Variants in GOLGB1 observed in about 807,000 individuals in gnomAD.
The protein encoded by GOLGB1 is golgin B1, also known as golgin subfamily B member 1.
GOLGB1 carries 174 observed loss-of-function variants against 336.9 expected under a neutral mutation model. The observed-to-expected ratio is 0.52, with a 90% confidence interval of 0.46 to 0.59. The LOEUF (loss-of-function observed/expected upper bound fraction) is 0.59, where lower values mean the gene tolerates loss of function less well. Among genes scored for constraint, GOLGB1 ranks in the 20% least tolerant of loss-of-function variants. The probability of loss-of-function intolerance (pLI) is 0.00; values close to 1 mark genes in which losing one functional copy is unlikely to be tolerated. For synonymous variants in GOLGB1, 1,208 were observed against 1,289.2 expected (o/e 0.94, Z 1.35); for missense variants, 3,331 against 3,645.3 (o/e 0.91, Z 2.22).
At chr3:121,699,749 A>C in intron 12 of GOLGB1, 63 bp downstream of exon 12, 1 of 947,742 alleles carries the variant, frequency 1.1e-6, no homozygotes, top group South Asian at 1.5e-5. Flanking sequence ...ACGTATTTTC[A>C]TATGAAGCTA....
At chr3:121,717,322 G>A (rs1249049483) in intron 8 of GOLGB1, among the ~76,000 whole-genome samples, 183 bp from the exon 9 acceptor site, 1 of 152,138 alleles carries the variant, frequency 6.6e-6, no homozygotes, top group Non-Finnish European at 1.5e-5. Context: ...CTCCCCAGCA[G>A]CACACAGGCA....
chr3:121,691,192 T>C lies in GOLGB1; in HGVS notation c.8172A>G (p.Leu2724=). ...CTTTATTTTCTTTGGTGACCATGAG[T>C]AATTTCTGTTCCATCTCCACCAAAT... ...ARDLVEMEQK[L]LMVTKENKGL... Residue 2724 remains leucine (L), a synonymous_variant, in exon 14 of 22, where the codon TTA becomes TTG. Transcript: ENST00000614479. 1 of 1,613,600 alleles carries C rather than the reference T, an allele frequency of 6.2e-7. No individual in the cohort carries two copies. The highest frequency in any genetic ancestry group is 8.5e-7 in the Non-Finnish European group (1 of 1,179,900).
chr3:121,681,677 T>C lies in GOLGB1; in HGVS notation c.8873+10A>G, dbSNP rs1359451053. The C allele has an allele frequency of 1.3e-6, 2 of 1,542,764 alleles. No homozygotes were observed. The highest frequency in any genetic ancestry group is 1.4e-5 in the African/African-American group (1 of 71,834). On this transcript the variant is annotated intron_variant, in intron 15 of 21. Coordinates refer to ENST00000614479, the MANE Select transcript of GOLGB1 (RefSeq NM_001366282.2). The stretch of plus-strand genomic sequence containing the variant: ...GAAAAGAGTTGAAAAGGAGGGATTA[T>C]ATATAGTACCTGAGCTGATGCAGCT...
In GOLGB1 at chr3:121,677,086, C is replaced by A. The variant is rs998466997; in HGVS notation, c.9040-56G>T. 1.9e-6 allele frequency: 3 copies of A among 1,602,928 alleles called. No individual in the cohort carries two copies. The Admixed American group carries it at 5.0e-5, about 27-fold the overall frequency. ...CTCCTAAGATTGCGCATGCTTAATT[C>A]CTTCCCTCTAGAAATCCTGTCCGCC... is the stretch of plus-strand genomic sequence containing the variant. On this transcript the variant is annotated intron_variant, in intron 16 of 21. Transcript: ENST00000614479.
chr3:121,699,415 A>G (rs143471557), intron 12 of GOLGB1, among the ~76,000 whole-genome samples: 2 of 152,296 alleles, frequency 1.3e-5, no homozygotes, highest in African/African-American at 4.8e-5. Flanking sequence ...TTCTTATAGT[A>G]ATTTTCAGAT....
chr3:121,699,077 T>A, intron 12 of GOLGB1, 148 bp from the exon 13 acceptor site: 1 of 582,894 alleles, frequency 1.7e-6, no homozygotes, highest in Non-Finnish European at 2.9e-6. Context: ...TAAATCCTTT[T>A]AAAATCAGTT....
chr3:121,749,754 T>C (rs1048752728), upstream of GOLGB1: 1 of 152,392 alleles, frequency 6.6e-6, no homozygotes, highest in East Asian at 1.9e-4. Flanking sequence ...CCACTAGCAG[T>C]TGGGACGGAA....
In GOLGB1 at chr3:121,691,732, G is replaced by T; in HGVS notation, c.7632C>A (p.Asp2544Glu). Residue 2544 changes from aspartate (D) to glutamate (E), a missense_variant, in exon 14 of 22, where the codon GAC becomes GAA. Asp to Glu is a conservative substitution (Grantham distance 45, BLOSUM62 2). Transcript: ENST00000614479. ...CCTTTATTGTTATCACTTGGTTCAG[G>T]TCTTCTCTATATTGGATCAGTTCTG... ...LDAELIQYRE[D>E]LNQVITIKDS... 1 of 1,613,538 alleles carries T rather than the reference G, an allele frequency of 6.2e-7. No homozygotes were observed. Among genetic ancestry groups the T allele is most frequent in the South Asian group, 1.1e-5 (1 of 90,922 alleles).
chr3:121,675,539 C>T (rs1368764357), intron 17 of GOLGB1, among the ~76,000 whole-genome samples: 3 of 152,026 alleles, frequency 2.0e-5, no homozygotes, highest in African/African-American at 7.2e-5. Flanking sequence ...ATGAATCTCA[C>T]AAAATAAATG....
Position 121,691,883 on chromosome 3 carries a change from G to A in GOLGB1, c.7481C>T (p.Ser2494Phe), listed in dbSNP as rs761810400. The A allele has an allele frequency of 6.2e-7, 1 of 1,613,716 alleles. No homozygotes were observed. Among genetic ancestry groups the A allele is most frequent in the South Asian group, 1.1e-5 (1 of 91,044 alleles). ...DYQQLEERHL[S>F]IILEKDQLIQ... ...GAGTTGGTCTTTTTCCAAGATTATA[G>A]AGAGATGTCGCTCTTCCAGCTGTTG... Residue 2494 changes from serine (S) to phenylalanine (F), a missense_variant, in exon 14 of 22, where the codon TCT becomes TTT. Ser to Phe is a radical substitution (Grantham distance 155). Transcript: ENST00000614479.
chr3:121,681,319 G>A (rs1169495903), intron 15 of GOLGB1, among the ~76,000 whole-genome samples: 1 of 152,192 alleles, frequency 6.6e-6, no homozygotes, highest in Non-Finnish European at 1.5e-5. Flanking sequence ...ATGTGAGGAA[G>A]GTAGGGAAGG....
At chr3:121,685,043 T>C (rs1391462558) in intron 14 of GOLGB1, among the ~76,000 whole-genome samples, 2 of 152,122 alleles carry the variant, frequency 1.3e-5, no homozygotes, top group East Asian at 1.9e-4. Flanking sequence ...TAAATTACAT[T>C]AAGTACAAAG....
intron 13 of GOLGB1, among the ~76,000 whole-genome samples, chr3:121,693,499 AAACAG>A (rs781285255): frequency 2.5e-4 from 38 of 152,192 alleles, no homozygotes; most frequent in Non-Finnish European, 4.4e-4. Context: ...AAACAAAACA[AAACAG>A]AAGTACAGAA....
chr3:121,698,833 A>G lies in GOLGB1; in HGVS notation c.1690T>C (p.Leu564=). ...TTCATTTCCAACAATAAAACTGATA[A>G]TTCTTTATGTTTCTGAGAAAATGTG... ...ENTFSQKHKE[L]SVLLLEMKEA... The change falls in exon 13 of 22, where the codon TTA becomes CTA. Residue 564 remains leucine (L), a synonymous_variant. Transcript: ENST00000614479. 1 of 1,612,370 alleles carries G rather than the reference A, an allele frequency of 6.2e-7. No individual in the cohort carries two copies. Among genetic ancestry groups the G allele is most frequent in the Non-Finnish European group, 8.5e-7 (1 of 1,178,806 alleles).
At position 121,697,834 on chromosome 3, in the gene GOLGB1, G is replaced by A. The variant is rs1943080704; in HGVS notation, c.2689C>T (p.Leu897Phe). 6.2e-7 allele frequency: 1 copy of A among 1,613,918 alleles called. No individual in the cohort carries two copies. The highest frequency in any genetic ancestry group is 1.7e-5 in the Admixed American group (1 of 59,998). ...LLEKKRDVET[L>F]QQTIEEKDQQ... The stretch of plus-strand genomic sequence containing the variant: ...TCCTTCTCCTCGATGGTTTGTTGGA[G>A]GGTTTCCACATCTCTCTTTTTCTCT... Residue 897 changes from leucine (L) to phenylalanine (F), a missense_variant, in exon 13 of 22, where the codon CTC becomes TTC. Leu to Phe is a conservative substitution (Grantham distance 22). Transcript: ENST00000614479.
rs373542563 is a variant in GOLGB1 at position 121,664,224 on chromosome 3, G to C, written c.*256C>G. The C allele has an allele frequency of 2.9e-5, 14 of 478,696 alleles. No individual in the cohort carries two copies. The East Asian group carries it at 4.3e-4, about 15-fold the overall frequency. 29.7% of individuals were successfully genotyped at this position (478,696 alleles called of 1,614,324 possible). On this transcript the variant is annotated 3_prime_UTR_variant, in exon 22 of 22. Transcript: ENST00000614479. ...CCTGCAAAATCTCAACAAATATTAG[G>C]CTCAACAAACCAAATGTGATTCTCA...
At position 121,698,852 on chromosome 3, in the gene GOLGB1, A is replaced by G; in HGVS notation, c.1671T>C (p.Phe557=). 1.2e-6 allele frequency: 2 copies of G among 1,611,772 alleles called. No homozygotes were observed. The highest frequency in any genetic ancestry group is 2.2e-5 in the South Asian group (2 of 90,704). ...ESGQDVLENT[F]SQKHKELSVL... Reference sequence around the variant, plus strand: ...CTGATAATTCTTTATGTTTCTGAGAAAATGTGTTTTCTAGAACATCTTGTC... The same window carrying G: ...CTGATAATTCTTTATGTTTCTGAGAGAATGTGTTTTCTAGAACATCTTGTC... Residue 557 remains phenylalanine (F), a synonymous_variant, in exon 13 of 22, where the codon TTT becomes TTC. Coordinates refer to ENST00000614479, the MANE Select transcript of GOLGB1 (RefSeq NM_001366282.2).
chr3:121,687,900 C>T (rs1050969136), intron 14 of GOLGB1, among the ~76,000 whole-genome samples: 1 of 152,110 alleles, frequency 6.6e-6, no homozygotes, highest in Non-Finnish European at 1.5e-5. Flanking sequence ...AGACAAAAGG[C>T]CAAGCTCCCA....
chr3:121,711,871 G>A (rs1944387951), intron 10 of GOLGB1, among the ~76,000 whole-genome samples: 2 of 152,178 alleles, frequency 1.3e-5, no homozygotes, highest in Admixed American at 1.3e-4. Flanking sequence ...TAAAAGTACA[G>A]TAGTGTTGTC....
Sources: allele counts gnomAD v4.1 joint callset (sites outside exome capture counted in the v4.1 genomes callset), GRCh38; gene constraint gnomAD v4.1.1; transcripts MANE v1.5; gene names NCBI Gene and HGNC (gene_info 2026-07-23, HGNC 2026-07-21).